DPP6: variants seen among roughly 807,000 people sequenced by gnomAD.
DPP6 encodes dipeptidyl peptidase like 6.
Under a neutral mutation model 122.6 loss-of-function variants are expected in DPP6, and 69 were observed. The ratio of observed to expected loss-of-function variants is 0.56; its 90% CI spans 0.46 to 0.69. DPP6 has a LOEUF of 0.69. Among genes scored for constraint, DPP6 ranks in the 30% least tolerant of loss-of-function variants. The pLI is 0.00. For missense variants in DPP6, 928 were observed against 1,116.9 expected (o/e 0.83, Z 2.41); for synonymous variants, 418 against 433.1 (o/e 0.97, Z 0.43).
In DPP6 at chr7:154,481,651, A is replaced by G. The variant is rs1823314860; in HGVS notation, c.457+6614A>G. 6.6e-6 allele frequency among the ~76,000 whole-genome samples: 1 copy of G among 152,070 alleles called. No homozygotes were observed. The highest frequency in any genetic ancestry group is 1.5e-5 in the Non-Finnish European group (1 of 68,016). ...CTTCTTTGGATTGCTTCAGAAGTCC[A>G]TCTTCTTTTCCCCCAGAGTGGCTCT... is the stretch of plus-strand genomic sequence containing the variant. On this transcript the variant is annotated intron_variant, in intron 3 of 25. Coordinates refer to ENST00000377770, the MANE Select transcript of DPP6 (RefSeq NM_130797.4). The surrounding 1 kb of genome is among the most constrained non-coding windows in gnomAD (Gnocchi z 4.2).
intron 6 of DPP6, among the ~76,000 whole-genome samples, chr7:154,643,467 CTTTTT>C (rs61520162): frequency 4.3e-5 from 5 of 117,544 alleles, no homozygotes; most frequent in Admixed American, 8.9e-5. Flanking sequence ...TGAGTAATTT[CTTTTT>C]TTTTTTTTTT....
At chr7:153,839,086 C>G in the DPP6 span, among the ~76,000 whole-genome samples, 1 of 152,158 alleles carries the variant, frequency 6.6e-6, no homozygotes, top group Non-Finnish European at 1.5e-5. Flanking sequence ...GCTGCTGCTG[C>G]TGCTGCTCAG....
chr7:154,492,243 G>A (rs1824338763), intron 3 of DPP6, among the ~76,000 whole-genome samples: 2 of 152,096 alleles, frequency 1.3e-5, no homozygotes, highest in Admixed American at 6.5e-5. Context: ...ACCTTGTATA[G>A]CACCCAGGAA....
At chr7:154,779,058 TCACCAC>T (rs1234060617) in intron 10 of DPP6, among the ~76,000 whole-genome samples, 1 of 2,784 alleles carries the variant, frequency 3.6e-4, no homozygotes, top group African/African-American at 1.5e-3. Flanking sequence ...ACCCCCACCA[TCACCAC>T]CATCACCTCC....
At chr7:154,418,631 C>A (rs570739978) in intron 1 of DPP6, among the ~76,000 whole-genome samples, 2 of 152,310 alleles carry the variant, frequency 1.3e-5, no homozygotes, top group Non-Finnish European at 2.9e-5. Context: ...ACAGTGACCT[C>A]ATAAGAAACC....
intron 1 of DPP6, among the ~76,000 whole-genome samples, chr7:154,218,963 C>A (rs965391668): frequency 2.0e-5 from 3 of 152,264 alleles, no homozygotes; most frequent in Non-Finnish European, 2.9e-5. Flanking sequence ...CATTTCTGTA[C>A]ACATATTGAA....
chr7:153,825,612 T>C, the DPP6 span, among the ~76,000 whole-genome samples: 1 of 152,216 alleles, frequency 6.6e-6, no homozygotes, highest in Non-Finnish European at 1.5e-5. Context: ...CAAGCTGAAG[T>C]GCAGAGGCAT....
At chr7:153,923,020 G>T (rs760438770) in intron 1 of DPP6, among the ~76,000 whole-genome samples, 7 of 152,230 alleles carry the variant, frequency 4.6e-5, no homozygotes, top group Non-Finnish European at 8.8e-5. Context: ...AAAATGGCCA[G>T]AGCCACGTAG....
At chr7:153,911,171 T>C (rs1458119527) in intron 1 of DPP6, among the ~76,000 whole-genome samples, 4 of 152,196 alleles carry the variant, frequency 2.6e-5, no homozygotes, top group Non-Finnish European at 4.4e-5. Context: ...TTGAGTCTTA[T>C]TGAGTCCCAG....
chr7:154,801,476 G>C lies in DPP6; in HGVS notation c.1407+14G>C. 1.3e-6 allele frequency: 2 copies of C among 1,557,178 alleles called. No homozygotes were observed. The highest frequency in any genetic ancestry group is 1.9e-5 in the Admixed American group (1 of 52,506). On this transcript the variant is annotated intron_variant, in intron 13 of 25. Transcript: ENST00000377770. The stretch of plus-strand genomic sequence containing the variant: ...TCCTCGTCCCAGGTAAGTCCTGCTA[G>C]TTTCCGGAGCTGAACTAGAAACTGG...
chr7:154,301,410 G>A (rs1296967609), intron 1 of DPP6, among the ~76,000 whole-genome samples: 5 of 152,070 alleles, frequency 3.3e-5, no homozygotes, highest in Admixed American at 3.3e-4. Context: ...TGCTTTTCCT[G>A]CAGCCCGTAG....
chr7:154,713,174 A>C (rs1841293905), intron 7 of DPP6, among the ~76,000 whole-genome samples: 1 of 152,268 alleles, frequency 6.6e-6, no homozygotes, highest in South Asian at 2.1e-4. Context: ...ATGCTGATGC[A>C]ACAAGTGAGC....
the DPP6 span, among the ~76,000 whole-genome samples, chr7:153,830,619 G>A: frequency 6.6e-5 from 10 of 152,124 alleles, no homozygotes; most frequent in Non-Finnish European, 1.2e-4. Flanking sequence ...TGTTAATTTC[G>A]AATTGGCCAC....
At chr7:153,840,265 TG>T in the DPP6 span, among the ~76,000 whole-genome samples, 1 of 152,190 alleles carries the variant, frequency 6.6e-6, no homozygotes, top group Non-Finnish European at 1.5e-5. Context: ...AAACATACTG[TG>T]CAGCAACTCT....
chr7:153,921,488 G>T (rs760807731), intron 1 of DPP6, among the ~76,000 whole-genome samples: 4 of 152,192 alleles, frequency 2.6e-5, no homozygotes, highest in Non-Finnish European at 5.9e-5. Context: ...TAACATTTTT[G>T]AGTAAAAGAA....
At chr7:154,170,973 C>T (rs189232009) in intron 1 of DPP6, among the ~76,000 whole-genome samples, 148 of 152,258 alleles carry the variant, frequency 9.7e-4, no homozygotes, top group African/African-American at 3.3e-3. Context: ...TTTGGGATTG[C>T]GGTGCTGCCC....
chr7:154,734,021 A>G (rs1401647163), intron 8 of DPP6, among the ~76,000 whole-genome samples: 1 of 152,240 alleles, frequency 6.6e-6, no homozygotes, highest in Non-Finnish European at 1.5e-5. Context: ...AGTTGTGACC[A>G]TCGATAACTG....
At chr7:153,942,224 A>G (rs1015648434) in intron 1 of DPP6, among the ~76,000 whole-genome samples, 1 of 151,886 alleles carries the variant, frequency 6.6e-6, no homozygotes, top group East Asian at 1.9e-4. Context: ...GCCAGGCACC[A>G]CCCCACGCCT....
chr7:154,728,510 C>T (rs924394836), intron 8 of DPP6, among the ~76,000 whole-genome samples: 1 of 152,170 alleles, frequency 6.6e-6, no homozygotes. Flanking sequence ...ATGCTCATGA[C>T]CCTTCATCGT....
Sources: gnomAD v4.1 joint callset for allele counts (sites outside exome capture counted in the v4.1 genomes callset) on GRCh38, gnomAD v4.1.1 for gene constraint, Gnocchi (gnomAD v3.1) non-coding constraint, MANE v1.5 for transcripts, NCBI Gene and HGNC (gene_info 2026-07-23, HGNC 2026-07-21) for gene names.